NAA60: variants seen among roughly 807,000 people sequenced by gnomAD.
NAA60 encodes N-alpha-acetyltransferase 60, NatF catalytic subunit.
A neutral mutation model predicts 26.1 loss-of-function variants in NAA60; 8 were observed. That is an observed-to-expected ratio of 0.31 (90% CI 0.18 to 0.55). The LOEUF (loss-of-function observed/expected upper bound fraction) is 0.55. NAA60 is among the 20% of genes least tolerant of loss of function. NAA60 has a pLI of 0.93. For missense variants in NAA60, 290 were observed against 311.3 expected (o/e 0.93, Z 0.51); for synonymous variants, 131 against 122.5 (o/e 1.07, Z -0.46).
intron 2 of NAA60, among the ~76,000 whole-genome samples, chr16:3,453,042 T>A (rs1439835541): frequency 6.6e-6 from 1 of 152,184 alleles, no homozygotes; most frequent in Non-Finnish European, 1.5e-5. Context: ...TTCACACTCT[T>A]GGTATGAGAA....
chr16:3,475,112 T>A (rs1216359271), intron 2 of NAA60, among the ~76,000 whole-genome samples: 5 of 126,400 alleles, frequency 4.0e-5, no homozygotes, highest in Non-Finnish European at 8.4e-5. Context: ...TTTTTTGAGA[T>A]GGAGTCTCAC....
At position 3,443,739 on chromosome 16, in the gene NAA60, AGTCTT is replaced by A. The variant is rs1390777414; in HGVS notation, c.-174_-170del. ...CGGGCCTGTTTGCCTGCTGAAGTAG[AGTCTT>A]AGGGTGACCCCAGGGGGACGTAATG... On this transcript the variant is annotated 5_prime_UTR_variant, in exon 1 of 8. Coordinates refer to ENST00000407558, the MANE Select transcript of NAA60 (RefSeq NM_001083601.3). 3.4e-5 allele frequency: 51 copies of A among 1,492,086 alleles called. No homozygotes were observed. Among genetic ancestry groups the A allele is most frequent in the Non-Finnish European group, 4.1e-5 (46 of 1,124,250 alleles). The allele number at this position is 1,492,086 out of a possible 1,614,324, so 92.4% of individuals were successfully genotyped here. A position where few individuals can be genotyped will look rare whatever the true frequency, so the allele number is the denominator to read the frequency against.
intron 2 of NAA60, among the ~76,000 whole-genome samples, chr16:3,471,200 C>T (rs1198161497): frequency 6.6e-6 from 1 of 152,046 alleles, no homozygotes; most frequent in East Asian, 1.9e-4. Flanking sequence ...TTGTGAAAAT[C>T]TTTAAAAATC....
chr16:3,450,699 CAAAAAA>C (rs539095336), intron 2 of NAA60, among the ~76,000 whole-genome samples: 1 of 73,606 alleles, frequency 1.4e-5, no homozygotes, highest in South Asian at 4.7e-4. Context: ...GACTCCGTCT[CAAAAAA>C]AAAAAAAAAA....
At chr16:3,458,185 A>C (rs1279697576) in intron 2 of NAA60, 2 of 982,344 alleles carry the variant, frequency 2.0e-6, no homozygotes, top group African/African-American at 3.5e-5. Flanking sequence ...CCACGAGGTG[A>C]GGTGGCGGGG....
chr16:3,483,919 G>A (rs889893756), intron 6 of NAA60: 25 of 366,586 alleles, frequency 6.8e-5, no homozygotes, highest in Admixed American at 4.3e-4. Flanking sequence ...ACTTGCACTG[G>A]GGATCAGCAG....
In NAA60 at chr16:3,484,219, T is replaced by G. The variant is rs538634999; in HGVS notation, c.573-480T>G. 4.6e-5 allele frequency among the ~76,000 whole-genome samples: 7 copies of G among 152,238 alleles called. No homozygotes were observed. The South Asian group carries it at 1.0e-3, about 23-fold the overall frequency. ...AATTCATGAGTCTAGGATTTATTCA[T>G]TACATAGAATAATAAGCAGGAAAGA... On this transcript the variant is annotated intron_variant, in intron 6 of 7. Coordinates refer to ENST00000407558, the MANE Select transcript of NAA60 (RefSeq NM_001083601.3).
intron 2 of NAA60, among the ~76,000 whole-genome samples, chr16:3,474,542 T>C (rs193158790): frequency 1.3e-5 from 2 of 152,242 alleles, no homozygotes; most frequent in Non-Finnish European, 2.9e-5. Flanking sequence ...TGCAGAAACC[T>C]GGACAGTGGA....
At chr16:3,472,655 G>C (rs779692400) in intron 2 of NAA60, among the ~76,000 whole-genome samples, 1 of 152,254 alleles carries the variant, frequency 6.6e-6, no homozygotes, top group East Asian at 1.9e-4. Flanking sequence ...GGCTGGTCTT[G>C]AACTCCTGAC....
rs1014836899 is a variant in NAA60, at chr16:3,485,631, C to T, written c.*371C>T. ...ACTCCGCTGCCTGTTCTTGCAGCTC[C>T]TTCCTGGAAAGCTGGAGGGGACTTT... On this transcript the variant is annotated 3_prime_UTR_variant, in exon 8 of 8. Coordinates refer to ENST00000407558, the MANE Select transcript of NAA60 (RefSeq NM_001083601.3). The T allele has an allele frequency of 4.4e-6, 2 of 456,542 alleles. No individual in the cohort carries two copies. Among genetic ancestry groups the T allele is most frequent in the African/African-American group, 4.0e-5 (2 of 50,084 alleles). 28.3% of individuals were successfully genotyped at this position (456,542 alleles called of 1,614,324 possible).
At chr16:3,471,208 A>G (rs1254909876) in intron 2 of NAA60, among the ~76,000 whole-genome samples, 1 of 152,024 alleles carries the variant, frequency 6.6e-6, no homozygotes, top group Non-Finnish European at 1.5e-5. Flanking sequence ...ATCTTTAAAA[A>G]TCAACTTGAC....
chr16:3,458,008 CG>C, intron 2 of NAA60: 1 of 985,326 alleles, frequency 1.0e-6, no homozygotes, highest in Non-Finnish European at 1.2e-6. Context: ...GCTGCGCTGC[CG>C]GCAGGGAGCG....
At chr16:3,458,114 G>GT in intron 2 of NAA60, 1 of 985,240 alleles carries the variant, frequency 1.0e-6, no homozygotes, top group Non-Finnish European at 1.2e-6. Context: ...CCCACTTCCC[G>GT]GCTCCCTTCG....
Position 3,443,807 on chromosome 16 carries a change from C to T in NAA60, c.-107C>T. The T allele has an allele frequency of 2.0e-6, 3 of 1,534,838 alleles. No homozygotes were observed. The highest frequency in any genetic ancestry group is 1.4e-5 in the African/African-American group (1 of 73,084). ...AGGACAGAAAGAAGACTGGGAGACA[C>T]CGGAACTCGAAAGAAAATCGGTAAC... On this transcript the variant is annotated 5_prime_UTR_variant, in exon 1 of 8. Coordinates refer to ENST00000407558, the MANE Select transcript of NAA60 (RefSeq NM_001083601.3).
At chr16:3,448,017 G>A (rs1419142024) in intron 1 of NAA60, among the ~76,000 whole-genome samples, 2 of 152,144 alleles carry the variant, frequency 1.3e-5, no homozygotes, top group Non-Finnish European at 2.9e-5. Flanking sequence ...TACTCATACT[G>A]AATAATTATC....
At chr16:3,448,399 C>A in intron 1 of NAA60, 72 bp from the exon 2 acceptor site, 5 of 1,286,076 alleles carry the variant, frequency 3.9e-6, no homozygotes, top group South Asian at 2.6e-5. Flanking sequence ...GTCTGACACT[C>A]ATTAGCCTAT....
Position 3,482,597 on chromosome 16 carries a change from A to G in NAA60, c.336A>G (p.Ile112Met). 6.3e-7 allele frequency: 1 copy of G among 1,599,814 alleles called. No homozygotes were observed. Among genetic ancestry groups the G allele is most frequent in the Non-Finnish European group, 8.5e-7 (1 of 1,173,448 alleles). Residue 112 changes from isoleucine to methionine, a missense_variant and splice_region_variant, in exon 5 of 8, where the codon ATA becomes ATG. Ile to Met is a conservative substitution (Grantham distance 10). Coordinates refer to ENST00000407558, the MANE Select transcript of NAA60 (RefSeq NM_001083601.3). ...TGAAAGAGTTCAGGAAGCACGGCAT[A>G]GGTAAGGGCAGCCGGGCCCGCGGCT... The part of the protein sequence containing the change: ...GVVKEFRKHG[I>M]GSLLLESLKD...
chr16:3,477,637 T>A (rs2036563749), intron 3 of NAA60, among the ~76,000 whole-genome samples: 2 of 137,848 alleles, frequency 1.5e-5, no homozygotes, highest in African/African-American at 5.5e-5. Flanking sequence ...CTCATCTCTA[T>A]TAAAAATACA....
chr16:3,456,767 A>AG (rs1239166035), intron 2 of NAA60: 1 of 152,074 alleles, frequency 6.6e-6, no homozygotes, highest in Non-Finnish European at 1.5e-5. Context: ...AATGGATACT[A>AG]GGGGACAGTT....
Sources: allele counts gnomAD v4.1 joint callset (sites outside exome capture counted in the v4.1 genomes callset), GRCh38; gene constraint gnomAD v4.1.1; transcripts MANE v1.5; gene names NCBI Gene and HGNC (gene_info 2026-07-23, HGNC 2026-07-21).